Variants in NTRK2 observed in about 807,000 individuals in gnomAD.
The protein encoded by NTRK2 is BDNF/NT-3 growth factors receptor.
In NTRK2, 13 loss-of-function variants were observed where a neutral mutation model predicts 94.5. That is an observed-to-expected ratio of 0.14 (90% confidence interval 0.09 to 0.22). The LOEUF (loss-of-function observed/expected upper bound fraction) is 0.22, where lower values mean the gene tolerates loss of function less well. Among genes scored for constraint, NTRK2 ranks in the 10% least tolerant of loss-of-function variants. The pLI is 1.00. For synonymous variants in NTRK2, 372 were observed against 407.4 expected (o/e 0.91, Z 1.05); for missense variants, 639 against 1,071.2 (o/e 0.60, Z 5.63).
In NTRK2 at chr9:84,797,586, C is replaced by A. The variant is rs62562383; in HGVS notation, c.1396+45501C>A. ...CTATATATTATATATATTATATATA[C>A]TATATATACTATATATTATATATAA... On this transcript the variant is annotated intron_variant, in intron 12 of 18. Transcript: ENST00000277120. Among the ~76,000 whole-genome samples the A allele has an allele frequency of 5.2e-4, 27 of 51,456 alleles. 1 individual carries two copies. In the South Asian group the frequency reaches 6.4e-3, roughly 12 times the overall value. The allele number at this position is 51,456 out of a possible 152,430, so 33.8% of individuals were successfully genotyped here. A position where few individuals can be genotyped will look rare whatever the true frequency, so the allele number is the denominator to read the frequency against.
rs200095927 is a variant in NTRK2 at position 85,022,570 on chromosome 9, T to C, written c.*1133T>C. ...TTACAATGAACTTTTCAGATCTCAC[T>C]TCCCTCCGACCCCTAACTTCCATGC... On this transcript the variant is annotated 3_prime_UTR_variant, in exon 19 of 19. Transcript: ENST00000277120. 4 of 233,104 alleles carry C rather than the reference T, an allele frequency of 1.7e-5. No homozygotes were observed. Among genetic ancestry groups the C allele is most frequent in the Non-Finnish European group, 2.5e-5 (3 of 118,030 alleles). 14.4% of individuals were successfully genotyped at this position (233,104 alleles called of 1,614,324 possible).
intron 9 of NTRK2, among the ~76,000 whole-genome samples, chr9:84,741,572 A>G (rs986545598): frequency 2.0e-5 from 3 of 152,208 alleles, no homozygotes; most frequent in Admixed American, 6.5e-5. Context: ...AAAGTAGCCA[A>G]TTGTATAAGA....
In NTRK2 at chr9:85,002,613, A is replaced by C. The variant is rs375111557; in HGVS notation, c.2173-17593A>C. Among the ~76,000 whole-genome samples the C allele has an allele frequency of 5.3e-5, 8 of 152,320 alleles. No individual in the cohort carries two copies. In the East Asian group the frequency reaches 9.6e-4, roughly 18 times the overall value. ...AAAAGCCTTTCACAAATTCCTCAAAAATAAACACTCTCATCTTCTGAAAGG... is the reference window on the plus strand; with the variant it reads ...AAAAGCCTTTCACAAATTCCTCAAACATAAACACTCTCATCTTCTGAAAGG... On this transcript the variant is annotated intron_variant, in intron 17 of 18. Transcript: ENST00000277120.
intron 2 of NTRK2, among the ~76,000 whole-genome samples, chr9:84,689,802 A>G (rs2059936885): frequency 6.6e-6 from 1 of 152,114 alleles, no homozygotes; most frequent in Non-Finnish European, 1.5e-5. Flanking sequence ...ACCTCCCTCT[A>G]GTGCCTGGCA....
At chr9:84,672,331 G>A (rs1266853056) in intron 2 of NTRK2, among the ~76,000 whole-genome samples, 1 of 152,158 alleles carries the variant, frequency 6.6e-6, no homozygotes, top group East Asian at 1.9e-4. Context: ...CTGAGTCCAG[G>A]GTGCTAGGAT....
chr9:84,942,562 A>G (rs1188617700), intron 15 of NTRK2, among the ~76,000 whole-genome samples: 1 of 152,208 alleles, frequency 6.6e-6, no homozygotes, highest in Non-Finnish European at 1.5e-5. Flanking sequence ...CAGAAGCATA[A>G]TGTGAGCCAC....
intron 12 of NTRK2, among the ~76,000 whole-genome samples, chr9:84,844,191 T>C (rs2074340645): frequency 6.6e-6 from 1 of 152,160 alleles, no homozygotes; most frequent in Admixed American, 6.5e-5. Flanking sequence ...GCATGGCGGA[T>C]GGACCAGAGG....
chr9:84,749,571 A>T (rs1216663008), intron 11 of NTRK2, among the ~76,000 whole-genome samples: 1 of 151,910 alleles, frequency 6.6e-6, no homozygotes, highest in Non-Finnish European at 1.5e-5. Flanking sequence ...AGCTTACTTA[A>T]TTTTTTTGTA....
chr9:84,797,660 T>TACTATAATAATA (rs1564297727), intron 12 of NTRK2, among the ~76,000 whole-genome samples: 2 of 42,300 alleles, frequency 4.7e-5, no homozygotes, highest in Non-Finnish European at 7.5e-5. Context: ...AATATATATA[T>TACTATAATAATA]TATATATTAT....
chr9:84,828,536 T>C (rs2073330285), intron 12 of NTRK2, among the ~76,000 whole-genome samples: 1 of 152,168 alleles, frequency 6.6e-6, no homozygotes, highest in African/African-American at 2.4e-5. Flanking sequence ...GATGAATTAT[T>C]GTATTCATTC....
chr9:84,978,910 A>G (rs537237350), intron 17 of NTRK2, among the ~76,000 whole-genome samples: 1 of 152,228 alleles, frequency 6.6e-6, no homozygotes, highest in Non-Finnish European at 1.5e-5. Flanking sequence ...CAAAGCCTGG[A>G]TGACAGCACA....
At chr9:85,020,819 C>T (rs1221944261) in intron 18 of NTRK2, among the ~76,000 whole-genome samples, 1 of 152,138 alleles carries the variant, frequency 6.6e-6, no homozygotes, top group Non-Finnish European at 1.5e-5. Context: ...ATTTGAGGCA[C>T]AGCATCTTGA....
At chr9:84,897,548 A>G (rs998772706) in intron 14 of NTRK2, among the ~76,000 whole-genome samples, 3 of 152,192 alleles carry the variant, frequency 2.0e-5, no homozygotes, top group Admixed American at 6.5e-5. Flanking sequence ...TTCAGCAGTC[A>G]TGATGGTCCC....
chr9:84,779,343 G>T (rs1440214560), intron 12 of NTRK2, among the ~76,000 whole-genome samples: 2 of 152,128 alleles, frequency 1.3e-5, no homozygotes, highest in African/African-American at 4.8e-5. Flanking sequence ...TAAAGCAAAT[G>T]CATTAACAAG....
At chr9:84,898,837 G>A (rs1249885042) in intron 14 of NTRK2, among the ~76,000 whole-genome samples, 3 of 152,080 alleles carry the variant, frequency 2.0e-5, no homozygotes, top group Non-Finnish European at 2.9e-5. Flanking sequence ...CAAGTAGCTG[G>A]AATTACAGGC....
At chr9:84,741,468 T>C (rs534813990) in intron 9 of NTRK2, among the ~76,000 whole-genome samples, 1 of 152,292 alleles carries the variant, frequency 6.6e-6, no homozygotes, top group Non-Finnish European at 1.5e-5. Context: ...ATGGCCCTGC[T>C]ACACAGTTAA....
chr9:84,864,052 T>A (rs1367823560), intron 13 of NTRK2, among the ~76,000 whole-genome samples: 1 of 152,098 alleles, frequency 6.6e-6, no homozygotes, highest in African/African-American at 2.4e-5. Flanking sequence ...ACTCTTTAAG[T>A]GAGGGCTTCG....
At position 84,670,503 on chromosome 9, in the gene NTRK2, G is replaced by T. The variant is rs1383226532; in HGVS notation, c.-246G>T. 5.6e-6 allele frequency: 3 copies of T among 536,288 alleles called. No individual in the cohort carries two copies. 33.2% of individuals were successfully genotyped at this position (536,288 alleles called of 1,614,324 possible). A position where few individuals can be genotyped will look rare whatever the true frequency, so the allele number is the denominator to read the frequency against. ...GCAGCGACGGCCGCCGCGGAGCTCC[G>T]AGCAGCGGTAGCGCCCCCCTGTAAA... is the stretch of plus-strand genomic sequence containing the variant. On this transcript the variant is annotated 5_prime_UTR_variant, in exon 2 of 19. An upstream open reading frame in the 5' UTR gains an earlier in-frame stop. Transcript: ENST00000277120.
intron 17 of NTRK2, among the ~76,000 whole-genome samples, chr9:84,974,178 T>A (rs1162818535): frequency 6.6e-6 from 1 of 152,184 alleles, no homozygotes; most frequent in Admixed American, 6.5e-5. Context: ...ATACATAAAA[T>A]GACAAGAAAT....
Sources: allele counts gnomAD v4.1 joint callset (sites outside exome capture counted in the v4.1 genomes callset), GRCh38; gene constraint gnomAD v4.1.1; transcripts MANE v1.5; gene names NCBI Gene and HGNC (gene_info 2026-07-23, HGNC 2026-07-21).